The following FHIT variants were observed in gnomAD, a reference collection of about 807,000 sequenced individuals.
FHIT encodes the protein bis(5'-adenosyl)-triphosphatase.
FHIT carries 19 observed loss-of-function variants against 17.9 expected under a neutral mutation model. The ratio of observed to expected loss-of-function variants is 1.06; its 90% CI spans 0.74 to 1.56. FHIT has a LOEUF of 1.56. Ranked by LOEUF, FHIT falls within the 40% of genes most tolerant of loss-of-function variation. The pLI is 0.00. For missense variants in FHIT, 248 were observed against 189.2 expected (o/e 1.31, Z -1.82); for synonymous variants, 81 against 69.7 (o/e 1.16, Z -0.81).
At chr3:60,308,311 C>CT (rs1708775680) in intron 5 of FHIT, among the ~76,000 whole-genome samples, 1 of 150,248 alleles carries the variant, frequency 6.7e-6, no homozygotes, top group Non-Finnish European at 1.5e-5. Flanking sequence ...ATTGAGCTTA[C>CT]TGCATTCCTT....
chr3:60,775,636 A>G (rs565448296), intron 4 of FHIT, among the ~76,000 whole-genome samples: 1 of 152,154 alleles, frequency 6.6e-6, no homozygotes. Context: ...TTGGCGCCCA[A>G]CGTGGGGACT....
chr3:60,342,282 A>G (rs1016680043), intron 5 of FHIT, among the ~76,000 whole-genome samples: 1 of 152,252 alleles, frequency 6.6e-6, no homozygotes, highest in Non-Finnish European at 1.5e-5. Flanking sequence ...CTCTTTGCAT[A>G]GCATATCAGG....
At chr3:60,023,341 A>G (rs147621484) in intron 5 of FHIT, among the ~76,000 whole-genome samples, 2 of 152,322 alleles carry the variant, frequency 1.3e-5, no homozygotes, top group Non-Finnish European at 2.9e-5. Context: ...CACCCTCACC[A>G]TATACACAGT....
intron 3 of FHIT, among the ~76,000 whole-genome samples, chr3:60,871,841 T>A (rs955865959): frequency 1.5e-4 from 23 of 151,920 alleles, no homozygotes; most frequent in Non-Finnish European, 2.8e-4. Context: ...TTATTTATTT[T>A]TTGTAGAGAC....
intron 5 of FHIT, among the ~76,000 whole-genome samples, chr3:60,224,553 T>G (rs1341498419): frequency 7.2e-5 from 11 of 152,000 alleles, no homozygotes; most frequent in Admixed American, 5.9e-4. Flanking sequence ...AGGGTACCCA[T>G]GAAGGCCCAG....
intron 5 of FHIT, among the ~76,000 whole-genome samples, chr3:60,043,129 T>A (rs951897684): frequency 1.4e-4 from 21 of 152,210 alleles, no homozygotes; most frequent in African/African-American, 5.1e-4. Context: ...TCATTCTCCC[T>A]TGCATTGACA....
intron 5 of FHIT, among the ~76,000 whole-genome samples, chr3:60,240,040 A>C (rs1368671427): frequency 2.0e-5 from 3 of 152,196 alleles, no homozygotes; most frequent in Non-Finnish European, 4.4e-5. Context: ...AACAACACAA[A>C]AAACTGTAAA....
chr3:60,797,450 A>G (rs13068446), intron 4 of FHIT, among the ~76,000 whole-genome samples: 40,915 of 145,332 alleles, frequency 0.28, 5,969 homozygotes, highest in Middle Eastern at 0.34. Flanking sequence ...GGCATAAAGA[A>G]ATTGCAGTAG....
At chr3:60,449,999 CAAAAAAAAAAAA>C (rs35302096) in intron 5 of FHIT, among the ~76,000 whole-genome samples, 1 of 65,080 alleles carries the variant, frequency 1.5e-5, no homozygotes, top group African/African-American at 5.7e-5. Context: ...TAGACTCTGT[CAAAAAAAAAAAA>C]AAAAAAAAAA....
intron 5 of FHIT, among the ~76,000 whole-genome samples, chr3:60,364,283 T>G (rs1372399119): frequency 6.6e-6 from 1 of 152,204 alleles, no homozygotes; most frequent in Non-Finnish European, 1.5e-5. Flanking sequence ...CTTCACCACT[T>G]TTTCTGCTGG....
chr3:60,118,633 T>G (rs9867457), intron 5 of FHIT, among the ~76,000 whole-genome samples: 40,798 of 151,488 alleles, frequency 0.27, 6,246 homozygotes, highest in Non-Finnish European at 0.36. Flanking sequence ...TTAACAAAAA[T>G]AAGAAACGAA....
intron 2 of FHIT, among the ~76,000 whole-genome samples, chr3:61,110,341 G>A (rs1464074742): frequency 6.6e-6 from 1 of 151,968 alleles, no homozygotes; most frequent in Non-Finnish European, 1.5e-5. Flanking sequence ...GTGCCATATG[G>A]CTTCTTCCTT....
In FHIT at chr3:60,461,069, G is replaced by A. The variant is rs1458181602; in HGVS notation, c.103+75791C>T. On this transcript the variant is annotated intron_variant, in intron 5 of 9. Transcript: ENST00000492590. The stretch of plus-strand genomic sequence containing the variant: ...TTAAGAAAACTCCCTTAACGTTAAC[G>A]GCAAAAAAATACTCTTCCCATTTCA... Among the ~76,000 whole-genome samples the A allele has an allele frequency of 4.4e-5, 6 of 136,978 alleles. No individual in the cohort carries two copies. The East Asian group carries it at 5.8e-4, about 13-fold the overall frequency. The allele number at this position is 136,978 out of a possible 152,430, so 89.9% of individuals were successfully genotyped here. A position where few individuals can be genotyped will look rare whatever the true frequency, so the allele number is the denominator to read the frequency against.
At chr3:60,146,821 C>T (rs551133548) in intron 5 of FHIT, among the ~76,000 whole-genome samples, 2 of 152,010 alleles carry the variant, frequency 1.3e-5, no homozygotes, top group Non-Finnish European at 2.9e-5. Context: ...ACCATGCGTC[C>T]GCTATCCATG....
At chr3:59,929,370 T>G (rs1011028158) in intron 7 of FHIT, among the ~76,000 whole-genome samples, 72 of 133,834 alleles carry the variant, frequency 5.4e-4, no homozygotes, top group Non-Finnish European at 7.5e-4. Flanking sequence ...TTGGTTTTTT[T>G]TTTTTTTTTT....
intron 5 of FHIT, among the ~76,000 whole-genome samples, chr3:60,326,702 T>C (rs1709712466): frequency 6.6e-6 from 1 of 152,168 alleles, no homozygotes; most frequent in South Asian, 2.1e-4. Context: ...ATGGACGATG[T>C]CCCCTTAACA....
intron 5 of FHIT, among the ~76,000 whole-genome samples, chr3:60,348,138 A>AC (rs1020404247): frequency 1.3e-5 from 2 of 151,730 alleles, no homozygotes; most frequent in African/African-American, 4.8e-5. Flanking sequence ...ATACTGAAAA[A>AC]AAAATTGTGT....
chr3:59,768,859 G>A (rs190891), intron 8 of FHIT, among the ~76,000 whole-genome samples: 3 of 152,190 alleles, frequency 2.0e-5, no homozygotes, highest in Non-Finnish European at 4.4e-5. Flanking sequence ...AAGAGATCCA[G>A]AACAAAATAA....
At chr3:60,175,470 G>C (rs1414645506) in intron 5 of FHIT, among the ~76,000 whole-genome samples, 1 of 152,068 alleles carries the variant, frequency 6.6e-6, no homozygotes, top group Non-Finnish European at 1.5e-5. Flanking sequence ...TATCTTGGAA[G>C]ACAAAAGATA....
Sources: allele counts gnomAD v4.1 joint callset (sites outside exome capture counted in the v4.1 genomes callset), GRCh38; gene constraint gnomAD v4.1.1; transcripts MANE v1.5; gene names NCBI Gene and HGNC (gene_info 2026-07-23, HGNC 2026-07-21).